The following SLC14A2 variants were observed in gnomAD, a reference collection of about 807,000 sequenced individuals.
SLC14A2 encodes solute carrier family 14 member 2, also known as urea transporter 2.
Under a neutral mutation model 104.6 loss-of-function variants are expected in SLC14A2, and 91 were observed. That is an observed-to-expected ratio of 0.87 (90% CI 0.73 to 1.04). SLC14A2 has a LOEUF of 1.04. SLC14A2 is among the 50% of genes least tolerant of loss of function. The pLI is 0.00. For missense variants in SLC14A2, 1,189 were observed against 1,156.0 expected, an observed-to-expected ratio of 1.03 and a Z score of -0.41; for synonymous variants, 476 against 466.4, an observed-to-expected ratio of 1.02 and a Z score of -0.27.
chr18:45,207,393 G>A, the SLC14A2 span, among the ~76,000 whole-genome samples: 1 of 145,062 alleles, frequency 6.9e-6, no homozygotes, highest in Non-Finnish European at 1.5e-5. Context: ...GGAAAGGGAG[G>A]GGGGAGGAAA....
chr18:45,454,979 C>A (rs2086917952), intron 1 of SLC14A2, among the ~76,000 whole-genome samples: 2 of 152,150 alleles, frequency 1.3e-5, no homozygotes, highest in Non-Finnish European at 2.9e-5. Flanking sequence ...ATTGTCTTGG[C>A]AGTGCAGGCT....
chr18:45,295,491 T>C lies in SLC14A2; in HGVS notation c.-125+82300T>C, dbSNP rs578257594. On this transcript the variant is annotated intron_variant, in intron 1 of 20. Transcript: ENST00000586448. ...CCATTCTCTTCCCAGTCTGCAGCTTTCCACCGCTGAAGAGGAGAACTAGTA... is the reference window on the plus strand; with the variant it reads ...CCATTCTCTTCCCAGTCTGCAGCTTCCCACCGCTGAAGAGGAGAACTAGTA... 2.0e-5 allele frequency among the ~76,000 whole-genome samples: 3 copies of C among 152,218 alleles called. No individual in the cohort carries two copies. In the South Asian group the frequency reaches 6.2e-4, roughly 32 times the overall value.
At chr18:45,622,551 A>G (rs1265768312) in intron 1 of SLC14A2, among the ~76,000 whole-genome samples, 1 of 152,188 alleles carries the variant, frequency 6.6e-6, no homozygotes, top group Admixed American at 6.5e-5. Flanking sequence ...GAGATGGAAT[A>G]CGAAGCCATG....
intron 10 of SLC14A2, among the ~76,000 whole-genome samples, chr18:45,662,928 C>G: frequency 6.6e-6 from 1 of 152,072 alleles, no homozygotes; most frequent in Non-Finnish European, 1.5e-5. Context: ...AACAAGACAC[C>G]AAGATAATTC....
intron 1 of SLC14A2, among the ~76,000 whole-genome samples, chr18:45,290,925 T>A (rs990463079): frequency 2.6e-5 from 4 of 152,220 alleles, no homozygotes; most frequent in African/African-American, 9.6e-5. Context: ...AGACCATCTC[T>A]GACAATCAGT....
intron 1 of SLC14A2, among the ~76,000 whole-genome samples, chr18:45,425,496 C>A (rs568219846): frequency 6.6e-6 from 1 of 152,132 alleles, no homozygotes; most frequent in Non-Finnish European, 1.5e-5. Flanking sequence ...CCCTGTTAGT[C>A]CCCCTGATGA....
intron 1 of SLC14A2, among the ~76,000 whole-genome samples, chr18:45,434,806 T>TG (rs1481597460): frequency 1.3e-5 from 2 of 151,978 alleles, no homozygotes; most frequent in Non-Finnish European, 2.9e-5. Context: ...AAACGTGGGG[T>TG]GAAAAAATGA....
intron 14 of SLC14A2, 112 bp downstream of exon 14, chr18:45,668,134 A>G: frequency 4.3e-6 from 5 of 1,175,306 alleles, no homozygotes; most frequent in Non-Finnish European, 6.1e-6. Flanking sequence ...ACTGACAACT[A>G]AAAATGACTG....
chr18:45,547,067 G>T (rs2160854), intron 2 of SLC14A2, among the ~76,000 whole-genome samples: 1 of 152,146 alleles, frequency 6.6e-6, no homozygotes, highest in African/African-American at 2.4e-5. Context: ...TTCTGATTAG[G>T]GCATGGGCTA....
At chr18:45,395,090 A>T (rs1242751805) in intron 1 of SLC14A2, among the ~76,000 whole-genome samples, 2 of 152,198 alleles carry the variant, frequency 1.3e-5, no homozygotes, top group Non-Finnish European at 2.9e-5. Context: ...TTTCATGTTT[A>T]TTGCAACATT....
intron 1 of SLC14A2, among the ~76,000 whole-genome samples, chr18:45,374,686 C>T (rs886182591): frequency 1.3e-5 from 2 of 152,148 alleles, no homozygotes; most frequent in Admixed American, 6.5e-5. Context: ...TTCAGTCATC[C>T]GTGTGGGATT....
chr18:45,406,717 C>A (rs1022969962), intron 1 of SLC14A2, among the ~76,000 whole-genome samples: 2 of 152,218 alleles, frequency 1.3e-5, no homozygotes, highest in African/African-American at 4.8e-5. Context: ...CCTACTAACA[C>A]AACATCCATT....
At chr18:45,424,742 C>A (rs1247598432) in intron 1 of SLC14A2, among the ~76,000 whole-genome samples, 2 of 152,206 alleles carry the variant, frequency 1.3e-5, no homozygotes, top group Non-Finnish European at 2.9e-5. Context: ...CAAGATTTAT[C>A]GTTTATGGGC....
At chr18:45,356,063 T>TGG (rs911293594) in intron 1 of SLC14A2, among the ~76,000 whole-genome samples, 1 of 152,054 alleles carries the variant, frequency 6.6e-6, no homozygotes, top group African/African-American at 2.4e-5. Flanking sequence ...ATAGCTTTGA[T>TGG]GGGGTGTGTG....
At chr18:45,173,548 C>A in the SLC14A2 span, among the ~76,000 whole-genome samples, 5 of 151,598 alleles carry the variant, frequency 3.3e-5, no homozygotes, top group Non-Finnish European at 5.9e-5. Flanking sequence ...CAAAATAACC[C>A]GAGAGAAGTC....
chr18:45,609,368 A>T (rs2044931632), intron 2 of SLC14A2, among the ~76,000 whole-genome samples: 1 of 36,242 alleles, frequency 2.8e-5, no homozygotes, highest in Non-Finnish European at 5.7e-5. Context: ...TCATAACTAC[A>T]TTATTTCCCT....
At chr18:45,620,750 C>T (rs1207367871) in intron 1 of SLC14A2, among the ~76,000 whole-genome samples, 4 of 152,088 alleles carry the variant, frequency 2.6e-5, no homozygotes, top group Admixed American at 1.3e-4. Flanking sequence ...TTCAGCCCCA[C>T]CACTTAAAAG....
chr18:45,393,742 G>A (rs1312516861), intron 1 of SLC14A2, among the ~76,000 whole-genome samples: 1 of 152,142 alleles, frequency 6.6e-6, no homozygotes, highest in Non-Finnish European at 1.5e-5. Flanking sequence ...CTGCTTTGCA[G>A]GCTGGATGCA....
At chr18:45,674,060 G>A (rs1273522718) in intron 18 of SLC14A2, among the ~76,000 whole-genome samples, 1 of 152,118 alleles carries the variant, frequency 6.6e-6, no homozygotes, top group East Asian at 1.9e-4. Context: ...TCTTATGCAG[G>A]TTACTCGTTA....
Sources: allele counts gnomAD v4.1 joint callset (sites outside exome capture counted in the v4.1 genomes callset), GRCh38; gene constraint gnomAD v4.1.1; transcripts MANE v1.5; gene names NCBI Gene and HGNC (gene_info 2026-07-23, HGNC 2026-07-21).